The following CADPS variants were observed in gnomAD, a reference collection of about 807,000 sequenced individuals.
CADPS encodes the protein calcium dependent secretion activator.
In CADPS, 57 loss-of-function variants were observed where a neutral mutation model predicts 167.3. That is an observed-to-expected ratio of 0.34 (90% confidence interval 0.28 to 0.42). The LOEUF (loss-of-function observed/expected upper bound fraction) is 0.42. Among genes scored for constraint, CADPS ranks in the 20% least tolerant of loss-of-function variants. CADPS has a pLI of 1.00. For synonymous variants in CADPS, 676 were observed against 635.3 expected (o/e 1.06, Z -0.96); for missense variants, 1,414 against 1,738.1 (o/e 0.81, Z 3.32).
At chr3:62,665,829 C>G (rs995709396) in intron 3 of CADPS, among the ~76,000 whole-genome samples, 1 of 152,172 alleles carries the variant, frequency 6.6e-6, no homozygotes, top group African/African-American at 2.4e-5. Flanking sequence ...CTCTTCTCAT[C>G]TAAATAATCA....
intron 24 of CADPS, 125 bp from the exon 25 acceptor site, chr3:62,466,538 T>A (rs1432328698): frequency 5.7e-6 from 4 of 704,624 alleles, no homozygotes; most frequent in Non-Finnish European, 1.0e-5. Context: ...ATTTCCTTAG[T>A]CCCAGAAATA....
intron 4 of CADPS, 119 bp downstream of exon 4, chr3:62,662,195 C>G: frequency 4.6e-6 from 4 of 863,942 alleles, no homozygotes; most frequent in Non-Finnish European, 7.7e-6. Context: ...GGGTGATTGT[C>G]CTCATCTTCC....
intron 1 of CADPS, among the ~76,000 whole-genome samples, chr3:62,855,521 AATTTC>A (rs1339332258): frequency 1.3e-5 from 2 of 152,170 alleles, no homozygotes; most frequent in Non-Finnish European, 2.9e-5. Flanking sequence ...CAAAGTTATT[AATTTC>A]ATTTACCATA....
chr3:62,774,532 T>A (rs1261883980), intron 1 of CADPS, among the ~76,000 whole-genome samples: 1 of 152,238 alleles, frequency 6.6e-6, no homozygotes, highest in Non-Finnish European at 1.5e-5. Context: ...GTTTTGTTTA[T>A]GTAAGTTGTT....
chr3:62,612,795 C>G (rs1010289766), intron 6 of CADPS, among the ~76,000 whole-genome samples: 2 of 152,164 alleles, frequency 1.3e-5, no homozygotes, highest in African/African-American at 2.4e-5. Context: ...CTGATTTAGC[C>G]TCCTTTGTTC....
chr3:62,530,538 A>T, intron 13 of CADPS: 1 of 617,744 alleles, frequency 1.6e-6, no homozygotes, highest in Middle Eastern at 3.4e-4. Context: ...AAATGCTTAA[A>T]GAGAGACTTT....
intron 28 of CADPS, among the ~76,000 whole-genome samples, chr3:62,413,515 G>T (rs1021737198): frequency 1.3e-5 from 2 of 152,184 alleles, no homozygotes; most frequent in Admixed American, 6.5e-5. Flanking sequence ...AATGAAATAA[G>T]TCAGTCACGA....
chr3:62,452,692 C>T (rs1338184486), intron 26 of CADPS, among the ~76,000 whole-genome samples: 1 of 152,076 alleles, frequency 6.6e-6, no homozygotes, highest in African/African-American at 2.4e-5. Flanking sequence ...GGTACCAAGA[C>T]AGGAAGAACA....
chr3:62,461,803 C>T (rs1442417130), intron 26 of CADPS, among the ~76,000 whole-genome samples: 1 of 152,140 alleles, frequency 6.6e-6, no homozygotes, highest in Non-Finnish European at 1.5e-5. Context: ...ATGCTTCTCC[C>T]ACCGGATAAT....
intron 8 of CADPS, among the ~76,000 whole-genome samples, chr3:62,581,054 C>T (rs942833636): frequency 6.6e-6 from 1 of 152,138 alleles, no homozygotes; most frequent in African/African-American, 2.4e-5. Flanking sequence ...GATCATGGAG[C>T]TAGAGAGATA....
Position 62,493,628 on chromosome 3 carries a change from G to T in CADPS, c.2727+17C>A. On this transcript the variant is annotated intron_variant, in intron 19 of 29. Transcript: ENST00000383710. Reference sequence around the variant, plus strand: ...GGGGTCCACCTCTCTTCTTTCACGAGATTTCACTTTACTTACTTCTCCTTT... The same window carrying T: ...GGGGTCCACCTCTCTTCTTTCACGATATTTCACTTTACTTACTTCTCCTTT... The T allele has an allele frequency of 6.4e-7, 1 of 1,552,378 alleles. No individual in the cohort carries two copies. Among genetic ancestry groups the T allele is most frequent in the African/African-American group, 1.4e-5 (1 of 73,434 alleles).
chr3:62,724,435 C>T (rs1216748745), intron 3 of CADPS, among the ~76,000 whole-genome samples: 1 of 152,130 alleles, frequency 6.6e-6, no homozygotes, highest in Non-Finnish European at 1.5e-5. Flanking sequence ...TGAATCAAGG[C>T]ACAGACATAC....
intron 3 of CADPS, among the ~76,000 whole-genome samples, chr3:62,686,774 G>A (rs2078127034): frequency 6.6e-6 from 1 of 151,964 alleles, no homozygotes; most frequent in South Asian, 2.1e-4. Context: ...ATTTCAGTAG[G>A]ATTTTAAAAT....
chr3:62,694,743 G>T (rs895773473), intron 3 of CADPS, among the ~76,000 whole-genome samples: 2 of 151,976 alleles, frequency 1.3e-5, no homozygotes, highest in African/African-American at 2.4e-5. Context: ...AGAATTAACA[G>T]GTCCTTACCC....
At position 62,399,667 on chromosome 3, in the gene CADPS, G is replaced by C. The variant is rs977873331; in HGVS notation, c.3883-82C>G. On this transcript the variant is annotated intron_variant, in intron 29 of 29. Transcript: ENST00000383710. The surrounding 1 kb of genome is among the most constrained non-coding windows in gnomAD (Gnocchi z 5.6). ...AGAAGGTAAAAGCAGGTGTGGGTGGGAGAGCACTGACCTTCAGCTAAATAT... is the reference window on the plus strand; with the variant it reads ...AGAAGGTAAAAGCAGGTGTGGGTGGCAGAGCACTGACCTTCAGCTAAATAT... 5 of 1,134,320 alleles carry C rather than the reference G, an allele frequency of 4.4e-6. No homozygotes were observed. In the African/African-American group the frequency reaches 7.7e-5, roughly 17 times the overall value. 70.3% of individuals were successfully genotyped at this position (1,134,320 alleles called of 1,614,324 possible). A position where few individuals can be genotyped will look rare whatever the true frequency, so the allele number is the denominator to read the frequency against.
chr3:62,635,005 T>C (rs2065996002), intron 6 of CADPS, among the ~76,000 whole-genome samples: 1 of 152,192 alleles, frequency 6.6e-6, no homozygotes, highest in African/African-American at 2.4e-5. Flanking sequence ...TTGTGAGATC[T>C]GCATTGGACG....
At chr3:62,481,991 A>C in intron 21 of CADPS, 122 bp from the exon 22 acceptor site, 2 of 908,816 alleles carry the variant, frequency 2.2e-6, no homozygotes. Context: ...CAAAAACTCA[A>C]GCGACACACT....
chr3:62,460,103 G>C (rs892730250), intron 26 of CADPS, among the ~76,000 whole-genome samples: 5 of 152,186 alleles, frequency 3.3e-5, no homozygotes, highest in African/African-American at 4.8e-5. Flanking sequence ...ATTTAGGGTA[G>C]AGTCTTAATA....
At chr3:62,452,431 T>C (rs2058181762) in intron 26 of CADPS, among the ~76,000 whole-genome samples, 1 of 152,226 alleles carries the variant, frequency 6.6e-6, no homozygotes, top group South Asian at 2.1e-4. Context: ...GTGACTATTT[T>C]GGACAGCTCA....
Sources: gnomAD v4.1 joint callset for allele counts (sites outside exome capture counted in the v4.1 genomes callset) on GRCh38, gnomAD v4.1.1 for gene constraint, Gnocchi (gnomAD v3.1) non-coding constraint, MANE v1.5 for transcripts, NCBI Gene and HGNC (gene_info 2026-07-23, HGNC 2026-07-21) for gene names.